PYY: variants seen among roughly 807,000 people sequenced by gnomAD.
The protein encoded by PYY is peptide tyrosine tyrosine.
PYY carries 12 observed loss-of-function variants against 10.3 expected under a neutral mutation model. The observed-to-expected ratio is 1.17, with a 90% CI of 0.75 to 1.89. The LOEUF (loss-of-function observed/expected upper bound fraction) is 1.89. PYY is among the 40% of genes most tolerant of loss of function. PYY has a pLI of 0.00. For synonymous variants in PYY, 66 were observed against 62.0 expected (o/e 1.06, Z -0.30); for missense variants, 141 against 134.0 (o/e 1.05, Z -0.26).
intron 1 of PYY, among the ~76,000 whole-genome samples, chr17:43,978,907 G>C (rs1006924242): frequency 2.0e-5 from 3 of 152,172 alleles, no homozygotes; most frequent in Non-Finnish European, 4.4e-5. Flanking sequence ...CCCTTAAACT[G>C]TGGGCACCCC....
At chr17:43,979,629 G>A (rs560667198) in intron 1 of PYY, among the ~76,000 whole-genome samples, 2 of 152,020 alleles carry the variant, frequency 1.3e-5, no homozygotes, top group South Asian at 4.2e-4. Flanking sequence ...GGTGAGCTAT[G>A]ATGGCACCGC....
chr17:43,956,644 A>G (rs1418036151), upstream of PYY, among the ~76,000 whole-genome samples: 1 of 152,168 alleles, frequency 6.6e-6, no homozygotes, highest in Non-Finnish European at 1.5e-5. Context: ...ACCCCAAGTC[A>G]GGGAGACCAT....
chr17:43,953,152 T>G lies in PYY; in HGVS notation c.226A>C (p.Lys76Gln). ...KRDGPDTLLSKTFFPDGEDRP... is the reference protein window; with the variant it reads ...KRDGPDTLLSQTFFPDGEDRP... ...TCCTCGCCGTCGGGGAAGAACGTTTTGGAAAGAAGCGTGTCCGGGCCGTCT... is the reference window on the plus strand; with the variant it reads ...TCCTCGCCGTCGGGGAAGAACGTTTGGGAAAGAAGCGTGTCCGGGCCGTCT... The change falls in exon 3 of 4, where the codon AAA (lysine) becomes CAA (glutamine). Residue 76 changes from lysine (K) to glutamine (Q), a missense_variant. By Grantham distance (53) the Lys-to-Gln change is moderately conservative. Transcript: ENST00000692052. The G allele has an allele frequency of 1.2e-6, 2 of 1,613,952 alleles. No homozygotes were observed. Among genetic ancestry groups the G allele is most frequent in the Non-Finnish European group, 1.7e-6 (2 of 1,179,890 alleles).
intron 2 of PYY, among the ~76,000 whole-genome samples, chr17:43,965,474 C>G (rs983285220): frequency 1.6e-4 from 23 of 140,570 alleles, no homozygotes; most frequent in Non-Finnish European, 2.7e-4. Flanking sequence ...GAGTGAGACT[C>G]CGTATCAAAA....
At chr17:43,954,563 G>C (rs2048659996), upstream of PYY, among the ~76,000 whole-genome samples, 1 of 152,104 alleles carries the variant, frequency 6.6e-6, no homozygotes, top group African/African-American at 2.4e-5. Context: ...TTAAAGAGTT[G>C]GAAAAGAGGC....
At chr17:43,957,306 G>C (rs1377633544), upstream of PYY, among the ~76,000 whole-genome samples, 1 of 152,054 alleles carries the variant, frequency 6.6e-6, no homozygotes, top group Non-Finnish European at 1.5e-5. Context: ...GAACAAACAG[G>C]CAAAATCCTT....
upstream of PYY, chr17:43,957,796 T>C (rs1419047069): frequency 6.5e-6 from 1 of 153,924 alleles, no homozygotes. Flanking sequence ...ATCGCTCACT[T>C]GAGCCCAGGA....
intron 1 of PYY, among the ~76,000 whole-genome samples, chr17:43,970,597 T>C (rs920773319): frequency 6.6e-6 from 1 of 151,878 alleles, no homozygotes; most frequent in African/African-American, 2.4e-5. Context: ...AATAGACCCA[T>C]GCAAATATGG....
chr17:43,952,983 G>C lies in PYY; in HGVS notation c.270-3C>G, dbSNP rs766195084. ...ACCACAGGTCTGGGCCCTCCGACCT[G>C]CGGAAGCGAAGGGGAAGGAATTGGA... On this transcript the variant is annotated splice_polypyrimidine_tract_variant and splice_region_variant and intron_variant, in intron 3 of 3. Transcript: ENST00000692052. The C allele has an allele frequency of 2.6e-6, 4 of 1,567,256 alleles. No homozygotes were observed. The highest frequency in any genetic ancestry group is 3.5e-6 in the Non-Finnish European group (4 of 1,155,808).
upstream of PYY, among the ~76,000 whole-genome samples, chr17:43,957,056 A>G (rs545833457): frequency 6.6e-6 from 1 of 152,134 alleles, no homozygotes; most frequent in South Asian, 2.1e-4. Flanking sequence ...AAATTAGCCA[A>G]GCGTCGTGGC....
intron 1 of PYY, among the ~76,000 whole-genome samples, chr17:43,976,944 G>A (rs1429479571): frequency 1.3e-5 from 2 of 151,988 alleles, no homozygotes; most frequent in Non-Finnish European, 2.9e-5. Flanking sequence ...CACCCTACCC[G>A]ATACACATCC....
intron 1 of PYY, among the ~76,000 whole-genome samples, chr17:43,978,743 C>A (rs757756149): frequency 1.8e-4 from 28 of 152,178 alleles, no homozygotes; most frequent in Non-Finnish European, 3.2e-4. Flanking sequence ...AAAATGTAAT[C>A]TTTGCACCAA....
At position 43,963,561 on chromosome 17, in the gene PYY, G is replaced by GAAAAGAAAGA. The variant is rs1567927795; in HGVS notation, c.-218+2726_-218+2727insTCTTTCTTTT. The stretch of plus-strand genomic sequence containing the variant: ...AAGAGAAGGAAGGGAAGGAAGGAAG[G>GAAAAGAAAGA]AAGGAAGGAAAAGAAAGAAAGAAAG... On this transcript the variant is annotated intron_variant, in intron 2 of 6. Transcript: ENST00000360085. Among the ~76,000 whole-genome samples the GAAAAGAAAGA allele has an allele frequency of 2.9e-4, 32 of 109,958 alleles. No individual in the cohort carries two copies. The South Asian group carries it at 9.5e-3, about 33-fold the overall frequency. 72.1% of individuals were successfully genotyped at this position (109,958 alleles called of 152,430 possible). A position where few individuals can be genotyped will look rare whatever the true frequency, so the allele number is the denominator to read the frequency against.
chr17:43,984,492 A>G (rs2048903619), intron 1 of PYY, among the ~76,000 whole-genome samples: 1 of 152,192 alleles, frequency 6.6e-6, no homozygotes, highest in South Asian at 2.1e-4. Flanking sequence ...CATTTTCCCA[A>G]CTATTCCGTG....
At chr17:43,961,053 T>C (rs1423551944) in intron 2 of PYY, among the ~76,000 whole-genome samples, 1 of 151,924 alleles carries the variant, frequency 6.6e-6, no homozygotes, top group Non-Finnish European at 1.5e-5. Flanking sequence ...GGATCCTGTC[T>C]CTACCCAAAC....
chr17:43,981,079 A>T (rs1199616451), intron 1 of PYY, among the ~76,000 whole-genome samples: 1 of 150,944 alleles, frequency 6.6e-6, no homozygotes, highest in African/African-American at 2.4e-5. Flanking sequence ...TATGTTGCCC[A>T]GGCTGGTCTC....
chr17:43,976,178 T>TAC (rs796313095), intron 1 of PYY, among the ~76,000 whole-genome samples: 3 of 90,426 alleles, frequency 3.3e-5, no homozygotes, highest in African/African-American at 2.5e-4. Flanking sequence ...CATATATGTA[T>TAC]ATATACGTAT....
chr17:43,976,778 A>G (rs943350624), intron 1 of PYY, among the ~76,000 whole-genome samples: 1 of 152,088 alleles, frequency 6.6e-6, no homozygotes, highest in African/African-American at 2.4e-5. Context: ...TCTCAAACCA[A>G]AAACATAAAA....
intron 1 of PYY, among the ~76,000 whole-genome samples, chr17:43,978,331 G>T (rs1224375366): frequency 2.7e-5 from 4 of 150,508 alleles, no homozygotes; most frequent in Non-Finnish European, 5.9e-5. Flanking sequence ...GGGAAGGGAA[G>T]AAAAGGAAAG....
Sources: gnomAD v4.1 joint callset for allele counts (sites outside exome capture counted in the v4.1 genomes callset) on GRCh38, gnomAD v4.1.1 for gene constraint, MANE v1.5 for transcripts, NCBI Gene and HGNC (gene_info 2026-07-23, HGNC 2026-07-21) for gene names.